ITGA4: variants seen among roughly 807,000 people sequenced by gnomAD.
ITGA4 encodes integrin alpha-4.
ITGA4 carries 63 observed loss-of-function variants against 133.6 expected under a neutral mutation model. The observed-to-expected ratio is 0.47, with a 90% CI of 0.38 to 0.58. The LOEUF (loss-of-function observed/expected upper bound fraction) is 0.58, where lower values mean the gene tolerates loss of function less well. Among genes scored for constraint, ITGA4 ranks in the 20% least tolerant of loss-of-function variants. The pLI, the probability that ITGA4 is intolerant of heterozygous loss-of-function variation, is 0.00. For synonymous variants in ITGA4, 483 were observed against 438.0 expected, an observed-to-expected ratio of 1.10 and a Z score of -1.28; for missense variants, 1,076 against 1,252.7, an observed-to-expected ratio of 0.86 and a Z score of 2.13.
chr2:181,480,242 C>A lies in ITGA4; in HGVS notation c.730C>A (p.Gln244Lys). Residue 244 changes from glutamine to lysine, a missense_variant, in exon 6 of 28, where the codon CAA becomes AAA. Coordinates refer to ENST00000397033, the MANE Select transcript of ITGA4 (RefSeq NM_000885.6). ...KYKAFLDKQN[Q>K]VKFGSYLGYS... ...CAAGGCTTTTTTAGACAAACAAAAT[C>A]AAGTAAAATTTGGAAGTTATTTAGG... The A allele has an allele frequency of 6.8e-7, 1 of 1,464,632 alleles. No homozygotes were observed. The highest frequency in any genetic ancestry group is 9.1e-7 in the Non-Finnish European group (1 of 1,094,834). 90.7% of individuals were successfully genotyped at this position (1,464,632 alleles called of 1,614,324 possible). A position where few individuals can be genotyped will look rare whatever the true frequency, so the allele number is the denominator to read the frequency against.
In ITGA4 at chr2:181,457,792, C is replaced by T. The variant is rs1316435762; in HGVS notation, c.138C>T (p.Gly46=). 4 of 1,613,564 alleles carry T rather than the reference C, an allele frequency of 2.5e-6. No individual in the cohort carries two copies. The highest frequency in any genetic ancestry group is 3.4e-6 in the Non-Finnish European group (4 of 1,179,968). Reference sequence around the variant, plus strand: ...CTGAGAGCGCGCTGCTTTACCAGGGCCCCCACAACACGCTGTTCGGCTACT... The same window carrying T: ...CTGAGAGCGCGCTGCTTTACCAGGGTCCCCACAACACGCTGTTCGGCTACT... ...VDTESALLYQ[G]PHNTLFGYSV... is the part of the protein sequence containing the mutation. Residue 46 remains glycine (G), a synonymous_variant, in exon 1 of 28, where the codon GGC becomes GGT. Transcript: ENST00000397033.
chr2:181,527,475 C>G, intron 22 of ITGA4, 88 bp downstream of exon 22: 1 of 878,622 alleles, frequency 1.1e-6, no homozygotes, highest in Non-Finnish European at 1.9e-6. Flanking sequence ...ACACCTATGA[C>G]GTCCTTCAGC....
At chr2:181,512,756 A>G (rs1686530819) in intron 17 of ITGA4, among the ~76,000 whole-genome samples, 1 of 152,128 alleles carries the variant, frequency 6.6e-6, no homozygotes, top group African/African-American at 2.4e-5. Context: ...AATGGGTATC[A>G]CTGGCAAATG....
At chr2:181,469,935 G>A (rs1236336971) in intron 2 of ITGA4, among the ~76,000 whole-genome samples, 1 of 152,000 alleles carries the variant, frequency 6.6e-6, no homozygotes, top group Admixed American at 6.5e-5. Context: ...GGATGGGGGA[G>A]GGATAGCATT....
At chr2:181,472,627 CAATT>C (rs1379797086) in intron 2 of ITGA4, among the ~76,000 whole-genome samples, 1 of 152,128 alleles carries the variant, frequency 6.6e-6, no homozygotes. Flanking sequence ...TGACAGTAAA[CAATT>C]GATTTTAGTG....
At chr2:181,511,976 C>T (rs908513095) in intron 17 of ITGA4, among the ~76,000 whole-genome samples, 1 of 151,884 alleles carries the variant, frequency 6.6e-6, no homozygotes, top group African/African-American at 2.4e-5. Context: ...CCAAGTATGA[C>T]AAATTTAAAA....
In ITGA4 at chr2:181,478,762, G is replaced by A; in HGVS notation, c.562G>A (p.Val188Met). The change falls in exon 5 of 28, where the codon GTG becomes ATG. Residue 188 changes from valine (V) to methionine (M), a missense_variant. Val to Met is a conservative substitution (Grantham distance 21, BLOSUM62 1). Around this residue, in one of 4 missense-constraint regions of ITGA4, gnomAD observed 436 missense variants for 590.7 expected, o/e 0.74. Coordinates refer to ENST00000397033, the MANE Select transcript of ITGA4 (RefSeq NM_000885.6). ...KRIAPCYQDYVKKFGENFASC... is the reference protein window; with the variant it reads ...KRIAPCYQDYMKKFGENFASC... ...GTTTTAATATTTCATTTTAGATTAT[G>A]TGAAAAAATTTGGAGAAAATTTTGC... The A allele has an allele frequency of 2.9e-6, 4 of 1,399,568 alleles. No homozygotes were observed. The highest frequency in any genetic ancestry group is 3.9e-6 in the Non-Finnish European group (4 of 1,025,960). The allele number at this position is 1,399,568 out of a possible 1,614,324, so 86.7% of individuals were successfully genotyped here. A position where few individuals can be genotyped will look rare whatever the true frequency, so the allele number is the denominator to read the frequency against.
At chr2:181,482,747 C>T (rs1376306493) in intron 9 of ITGA4, 96 bp downstream of exon 9, 1 of 1,167,540 alleles carries the variant, frequency 8.6e-7, no homozygotes, top group Non-Finnish European at 1.2e-6. Context: ...TTTCAGGTTT[C>T]TTTTATTGAC....
chr2:181,537,240 G>GAAATTTACAT lies in ITGA4; in HGVS notation c.*1714_*1723dup, dbSNP rs1469983153. 3 of 453,796 alleles carry GAAATTTACAT rather than the reference G, an allele frequency of 6.6e-6. No individual in the cohort carries two copies. Among genetic ancestry groups the GAAATTTACAT allele is most frequent in the Non-Finnish European group, 1.3e-5 (3 of 226,712 alleles). The allele number at this position is 453,796 out of a possible 1,614,324, so 28.1% of individuals were successfully genotyped here. ...TGTCTTCTCCAGGATGGTCTCTAAGGAAATTTACATTTGGTTCTTTCCTAC... is the reference window on the plus strand; with the variant it reads ...TGTCTTCTCCAGGATGGTCTCTAAGGAAATTTACATAAATTTACATTTGGTTCTTTCCTAC... On this transcript the variant is annotated 3_prime_UTR_variant, in exon 28 of 28. Coordinates refer to ENST00000397033, the MANE Select transcript of ITGA4 (RefSeq NM_000885.6).
intron 7 of ITGA4, among the ~76,000 whole-genome samples, chr2:181,482,065 C>T (rs1044520112): frequency 1.3e-5 from 2 of 152,172 alleles, no homozygotes; most frequent in African/African-American, 4.8e-5. Flanking sequence ...GCTATGTGAA[C>T]ATTGGTCACC....
At chr2:181,475,512 A>T (rs868211551) in intron 4 of ITGA4, among the ~76,000 whole-genome samples, 1 of 152,182 alleles carries the variant, frequency 6.6e-6, no homozygotes, top group Non-Finnish European at 1.5e-5. Flanking sequence ...TAACTCTGAA[A>T]TCTAGCTCTT....
intron 2 of ITGA4, among the ~76,000 whole-genome samples, chr2:181,463,184 C>A (rs1161605354): frequency 1.3e-5 from 2 of 152,090 alleles, no homozygotes; most frequent in Non-Finnish European, 2.9e-5. Context: ...GAGCACGATG[C>A]TTTTGAAGAA....
intron 27 of ITGA4, 23 bp from the exon 28 acceptor site, chr2:181,535,409 T>G (rs1436393112): frequency 6.4e-7 from 1 of 1,558,564 alleles, no homozygotes; most frequent in African/African-American, 1.4e-5. Flanking sequence ...TATACACTAG[T>G]GATTATGTTA....
intron 14 of ITGA4, 73 bp downstream of exon 14, chr2:181,496,010 C>A: frequency 6.8e-7 from 1 of 1,473,414 alleles, no homozygotes; most frequent in Non-Finnish European, 9.3e-7. Flanking sequence ...CTGCTTGGAG[C>A]CCTCACCGGT....
At position 181,495,411 on chromosome 2, in the gene ITGA4, G is replaced by C; in HGVS notation, c.1380G>C (p.Leu460Phe). 1 of 1,605,184 alleles carries C rather than the reference G, an allele frequency of 6.2e-7. No homozygotes were observed. The highest frequency in any genetic ancestry group is 2.2e-5 in the East Asian group (1 of 44,770). ...CTTTTCGGTCTGATTCTGCTGTCTT[G>C]CTAAGGTAAGACTGATATATTTCAC... ...VGAFRSDSAV[L>F]LRTRPVVIVD... Residue 460 changes from leucine to phenylalanine, a missense_variant, in exon 13 of 28, where the codon TTG (leucine) becomes TTC (phenylalanine). By Grantham distance (22) the Leu-to-Phe change is conservative. Coordinates refer to ENST00000397033, the MANE Select transcript of ITGA4 (RefSeq NM_000885.6). This position sits in a 1 kb window ranked among gnomAD's most constrained non-coding sequence, Gnocchi z 4.3.
In ITGA4 at chr2:181,490,216, A is replaced by T. The variant is rs568766988; in HGVS notation, c.1154-3109A>T. Among the ~76,000 whole-genome samples the T allele has an allele frequency of 9.5e-4, 144 of 152,174 alleles. 1 individual carries two copies. In the South Asian group the frequency reaches 0.015, roughly 16 times the overall value. ...GCCAGGCTGTCTGCTTGTGGATTTC[A>T]TTTCTGCCTTTTAGTTTTTACTTTT... On this transcript the variant is annotated intron_variant, in intron 10 of 27. Transcript: ENST00000397033.
chr2:181,463,102 C>A (rs575371849), intron 2 of ITGA4, among the ~76,000 whole-genome samples: 1 of 152,032 alleles, frequency 6.6e-6, no homozygotes, highest in African/African-American at 2.4e-5. Context: ...CAGAAGTTAG[C>A]CAGAGGAAGA....
At chr2:181,513,445 A>ATTTCTCTTACTT (rs1686544946) in intron 17 of ITGA4, among the ~76,000 whole-genome samples, 1 of 152,040 alleles carries the variant, frequency 6.6e-6, no homozygotes, top group East Asian at 1.9e-4. Flanking sequence ...TGATATCCAG[A>ATTTCTCTTACTT]ATTATTAAGT....
At chr2:181,527,416 G>C (rs56095368) in intron 22 of ITGA4, 29 bp downstream of exon 22, 418,525 of 1,439,166 alleles carry the variant, frequency 0.29, 65,086 homozygotes, top group Non-Finnish European at 0.33. Flanking sequence ...GTTAATATTT[G>C]TAACAACCTA....
Sources: allele counts gnomAD v4.1 joint callset (sites outside exome capture counted in the v4.1 genomes callset), GRCh38; gene constraint gnomAD v4.1.1; regional missense constraint gnomAD v4.1.1; non-coding constraint Gnocchi (gnomAD v3.1); transcripts MANE v1.5; gene names NCBI Gene and HGNC (gene_info 2026-07-23, HGNC 2026-07-21).